ADGRG6: variants seen among roughly 807,000 people sequenced by gnomAD.
ADGRG6 encodes G-protein coupled receptor 126.
ADGRG6 carries 84 observed loss-of-function variants against 142.4 expected under a neutral mutation model. The observed-to-expected ratio is 0.59, with a 90% CI of 0.49 to 0.71. The LOEUF is 0.71. Ranked by LOEUF, ADGRG6 falls within the 30% of genes least tolerant of loss-of-function variation. The pLI is 0.00. For missense variants in ADGRG6, 1,367 were observed against 1,466.6 expected (o/e 0.93, Z 1.11); for synonymous variants, 521 against 520.5 (o/e 1.00, Z -0.01).
At chr6:142,421,808 A>G (rs1232224626) in intron 22 of ADGRG6, among the ~76,000 whole-genome samples, 1 of 152,206 alleles carries the variant, frequency 6.6e-6, no homozygotes, top group African/African-American at 2.4e-5. Context: ...ACTGACTTTT[A>G]AGACTAATTT....
intron 2 of ADGRG6, among the ~76,000 whole-genome samples, chr6:142,335,143 A>G (rs968463522): frequency 3.3e-5 from 5 of 152,198 alleles, no homozygotes; most frequent in African/African-American, 1.2e-4. Flanking sequence ...AGGTGATCGG[A>G]GGATAGTATT....
chr6:142,428,121 T>G (rs781017851), intron 22 of ADGRG6, among the ~76,000 whole-genome samples: 2 of 152,196 alleles, frequency 1.3e-5, no homozygotes, highest in Non-Finnish European at 2.9e-5. Flanking sequence ...TTTTTGGAAA[T>G]GTATGAAGGG....
intron 2 of ADGRG6, among the ~76,000 whole-genome samples, chr6:142,326,207 T>G (rs539103601): frequency 6.6e-6 from 1 of 152,140 alleles, no homozygotes; most frequent in Admixed American, 6.6e-5. Flanking sequence ...CTACTTGACT[T>G]TAAACACGTT....
rs765577091 is a variant in ADGRG6 at position 142,404,852 on chromosome 6, C to T, written c.2128-836C>T. 7.2e-5 allele frequency among the ~76,000 whole-genome samples: 11 copies of T among 152,066 alleles called. No homozygotes were observed. The South Asian group carries it at 1.7e-3, about 23-fold the overall frequency. ...AAGTCTGGGATAGCAGGTGACAGTA[C>T]GGCTGGACACATAAGCTGGGGCTGG... On this transcript the variant is annotated intron_variant, in intron 14 of 24. Transcript: ENST00000367609.
chr6:142,443,572 A>C lies in ADGRG6; in HGVS notation c.*57A>C. Reference sequence around the variant, plus strand: ...AATGTGAAGATTTGCAAGCAGTGTAAACTGCAACTAGTGATGTAAATGTGC... The same window carrying C: ...AATGTGAAGATTTGCAAGCAGTGTACACTGCAACTAGTGATGTAAATGTGC... On this transcript the variant is annotated 3_prime_UTR_variant, in exon 25 of 25. Coordinates refer to ENST00000367609, the MANE Select transcript of ADGRG6 (RefSeq NM_198569.3). 1.8e-6 allele frequency: 2 copies of C among 1,142,660 alleles called. No individual in the cohort carries two copies. The highest frequency in any genetic ancestry group is 2.6e-6 in the Non-Finnish European group (2 of 779,806). 70.8% of individuals were successfully genotyped at this position (1,142,660 alleles called of 1,614,324 possible). A position where few individuals can be genotyped will look rare whatever the true frequency, so the allele number is the denominator to read the frequency against.
intron 2 of ADGRG6, among the ~76,000 whole-genome samples, chr6:142,331,605 A>T (rs1374831522): frequency 6.6e-6 from 1 of 152,216 alleles, no homozygotes; most frequent in Middle Eastern, 3.2e-3. Flanking sequence ...CCTGAAATGC[A>T]GTGTTATTTA....
chr6:142,315,632 A>G (rs1296533487), intron 2 of ADGRG6, among the ~76,000 whole-genome samples: 1 of 151,854 alleles, frequency 6.6e-6, no homozygotes. Context: ...GAAGTTTGAG[A>G]CCAGCCTGGC....
At chr6:142,415,724 T>C (rs925852870) in intron 19 of ADGRG6, 72 bp from the exon 20 acceptor site, 1 of 1,056,254 alleles carries the variant, frequency 9.5e-7, no homozygotes, top group Non-Finnish European at 1.4e-6. Context: ...GATACGAATT[T>C]ATACAGGCCT....
intron 15 of ADGRG6, among the ~76,000 whole-genome samples, chr6:142,407,321 G>T (rs1367928295): frequency 1.3e-5 from 2 of 151,830 alleles, no homozygotes; most frequent in African/African-American, 4.8e-5. Flanking sequence ...TTTACTGAAA[G>T]GCTGGGTATC....
At chr6:142,321,952 A>C (rs1357122657) in intron 2 of ADGRG6, among the ~76,000 whole-genome samples, 3 of 152,152 alleles carry the variant, frequency 2.0e-5, no homozygotes, top group Non-Finnish European at 4.4e-5. Context: ...ATCTATATCG[A>C]GAATTACGTG....
At chr6:142,335,567 A>G (rs1207581006) in intron 2 of ADGRG6, among the ~76,000 whole-genome samples, 5 of 152,146 alleles carry the variant, frequency 3.3e-5, no homozygotes, top group African/African-American at 7.2e-5. Flanking sequence ...TGTCTTGTCC[A>G]CTGGTGTCCC....
chr6:142,352,689 A>G (rs1038133365), intron 2 of ADGRG6, among the ~76,000 whole-genome samples: 11 of 152,190 alleles, frequency 7.2e-5, no homozygotes, highest in African/African-American at 2.2e-4. Flanking sequence ...ATGTATTTTG[A>G]AATATACATG....
intron 10 of ADGRG6, 57 bp downstream of exon 10, chr6:142,397,812 C>A: frequency 9.0e-7 from 1 of 1,111,840 alleles, no homozygotes; most frequent in Non-Finnish European, 1.2e-6. Flanking sequence ...TTCAGGTTTA[C>A]TTGAAACAAC....
At chr6:142,359,850 A>C (rs1187541885) in intron 2 of ADGRG6, among the ~76,000 whole-genome samples, 2 of 152,174 alleles carry the variant, frequency 1.3e-5, no homozygotes, top group Non-Finnish European at 1.5e-5. Flanking sequence ...CAGTCAAGGG[A>C]CTTGTCTTGT....
intron 16 of ADGRG6, among the ~76,000 whole-genome samples, chr6:142,408,532 CAT>C (rs1234731786): frequency 6.6e-6 from 1 of 152,084 alleles, no homozygotes; most frequent in African/African-American, 2.4e-5. Flanking sequence ...TCAGATATAA[CAT>C]ATATTGCTTC....
intron 11 of ADGRG6, 167 bp downstream of exon 11, chr6:142,400,763 G>C: frequency 1.8e-6 from 1 of 540,736 alleles, no homozygotes; most frequent in Non-Finnish European, 3.3e-6. Flanking sequence ...TAACATAAGT[G>C]GATGACTCAG....
chr6:142,400,563 C>T lies in ADGRG6; in HGVS notation c.1646C>T (p.Pro549Leu), dbSNP rs2115011256. The T allele has an allele frequency of 6.2e-7, 1 of 1,602,276 alleles. No homozygotes were observed. Among genetic ancestry groups the T allele is most frequent in the Non-Finnish European group, 8.5e-7 (1 of 1,169,802 alleles). Residue 549 changes from proline to leucine, a missense_variant, in exon 11 of 25, where the codon CCA becomes CTA. Physicochemically the swap from Pro to Leu is moderately conservative, Grantham distance 98. This residue lies in a region of ADGRG6 where 737 missense variants were observed against 746.5 expected (regional missense o/e 0.99). Coordinates refer to ENST00000367609, the MANE Select transcript of ADGRG6 (RefSeq NM_198569.3). ...CCTTCTGAATACGTTCTTCCTTGTC[C>T]AGACAAGCCTGGCTTTTCTGCTTCT... ...IQPSEYVLPC[P>L]DKPGFSASRI...
intron 2 of ADGRG6, among the ~76,000 whole-genome samples, chr6:142,332,380 A>G (rs760889453): frequency 3.3e-5 from 5 of 152,160 alleles, no homozygotes; most frequent in Admixed American, 6.5e-5. Flanking sequence ...ATAGACATTG[A>G]AAGTTTTTTA....
intron 2 of ADGRG6, among the ~76,000 whole-genome samples, chr6:142,352,316 A>T (rs1197715597): frequency 6.6e-6 from 1 of 152,234 alleles, no homozygotes; most frequent in Non-Finnish European, 1.5e-5. Context: ...CTGTGCAGCA[A>T]CATGGATGTA....
Sources: gnomAD v4.1 joint callset for allele counts (sites outside exome capture counted in the v4.1 genomes callset) on GRCh38, gnomAD v4.1.1 for gene constraint, gnomAD v4.1.1 regional missense constraint, MANE v1.5 for transcripts, NCBI Gene and HGNC (gene_info 2026-07-23, HGNC 2026-07-21) for gene names.